Variants in SUMF1 observed in about 807,000 individuals in gnomAD.
SUMF1 encodes formylglycine-generating enzyme.
In SUMF1, 48 loss-of-function variants were observed where a neutral mutation model predicts 47.6. The ratio of observed to expected loss-of-function variants is 1.01; its 90% CI spans 0.80 to 1.28. The LOEUF is 1.28. Ranked by LOEUF, SUMF1 falls within the 50% of genes most tolerant of loss-of-function variation. SUMF1 has a pLI of 0.00. For synonymous variants in SUMF1, 230 were observed against 192.1 expected, an observed-to-expected ratio of 1.20 and a Z score of -1.63; for missense variants, 571 against 485.4, an observed-to-expected ratio of 1.18 and a Z score of -1.66.
rs192832252 is a variant in SUMF1, at chr3:4,385,204, G to C, written c.955-8815C>G. Among the ~76,000 whole-genome samples, 4 of 152,226 alleles carry C rather than the reference G, an allele frequency of 2.6e-5. No homozygotes were observed. In the East Asian group the frequency reaches 5.8e-4, roughly 22 times the overall value. ...CCCAGCTGAATGTTTAGGTTTTAAA[G>C]AAAACGTCAAATTGTTTTCCAGAAT... On this transcript the variant is annotated intron_variant, in intron 7 of 8. Transcript: ENST00000272902.
chr3:4,240,386 G>A (rs1696509972), intron 8 of SUMF1, among the ~76,000 whole-genome samples: 1 of 152,004 alleles, frequency 6.6e-6, no homozygotes, highest in Non-Finnish European at 1.5e-5. Context: ...GAATCCATCT[G>A]GTCCTGGGCG....
intron 4 of SUMF1, 80 bp from the exon 5 acceptor site, chr3:4,418,212 A>G: frequency 6.3e-7 from 1 of 1,592,940 alleles, no homozygotes; most frequent in East Asian, 2.3e-5. Flanking sequence ...AAGCGCCCAT[A>G]ATCCCCCTCA....
chr3:4,192,033 T>C (rs1695325304), intron 8 of SUMF1, among the ~76,000 whole-genome samples: 1 of 151,964 alleles, frequency 6.6e-6, no homozygotes, highest in African/African-American at 2.4e-5. Context: ...AAATGGCCAG[T>C]GGACAAAAAT....
At chr3:4,228,091 G>C (rs1163117718) in intron 8 of SUMF1, among the ~76,000 whole-genome samples, 1 of 152,088 alleles carries the variant, frequency 6.6e-6, no homozygotes, top group African/African-American at 2.4e-5. Flanking sequence ...TGGTGGACCA[G>C]TGTGGTGGGA....
intron 8 of SUMF1, among the ~76,000 whole-genome samples, chr3:4,344,687 G>A (rs377107825): frequency 2.0e-5 from 3 of 152,060 alleles, no homozygotes; most frequent in Admixed American, 2.0e-4. Context: ...AGGATCAGAC[G>A]GATGAATTGA....
rs565965313 is a variant in SUMF1, at chr3:4,453,826, G to A, written c.271-777C>T. On this transcript the variant is annotated intron_variant, in intron 1 of 8. Coordinates refer to ENST00000272902, the MANE Select transcript of SUMF1 (RefSeq NM_182760.4). ...TAGGATTACAGGTGTGAGCCACTGC[G>A]CCCGGCCAAGCTGATTTTTTTTTTA... 4.0e-5 allele frequency among the ~76,000 whole-genome samples: 6 copies of A among 151,740 alleles called. No individual in the cohort carries two copies. In the Middle Eastern group the frequency reaches 0.01, roughly 258 times the overall value.
intron 8 of SUMF1, among the ~76,000 whole-genome samples, chr3:4,302,462 C>T (rs1697993241): frequency 7.8e-6 from 1 of 128,278 alleles, no homozygotes; most frequent in Non-Finnish European, 1.6e-5. Flanking sequence ...GAGATGAAGC[C>T]TCCAAGAGGT....
intron 8 of SUMF1, among the ~76,000 whole-genome samples, chr3:4,374,071 G>T (rs939294565): frequency 6.6e-6 from 1 of 152,114 alleles, no homozygotes; most frequent in African/African-American, 2.4e-5. Context: ...AAAAGCTATT[G>T]CTAATACATA....
intron 8 of SUMF1, among the ~76,000 whole-genome samples, chr3:4,254,382 T>C (rs1219642586): frequency 1.3e-5 from 2 of 150,906 alleles, no homozygotes; most frequent in Non-Finnish European, 3.0e-5. Flanking sequence ...TTTAGAAGAA[T>C]GTATAACTAG....
rs187179410 is a variant in SUMF1, at chr3:4,340,984, A to G, written c.1014+35346T>C. On this transcript the variant is annotated intron_variant and NMD_transcript_variant, in intron 8 of 12. Coordinates refer to the SUMF1 transcript ENST00000448413. Reference sequence around the variant, plus strand: ...CTTCTACACAAACATTGACTTTTCCACACAATATCCTTTGTGTTAGGAGAT... The same window carrying G: ...CTTCTACACAAACATTGACTTTTCCGCACAATATCCTTTGTGTTAGGAGAT... Among the ~76,000 whole-genome samples, 15 of 151,998 alleles carry G rather than the reference A, an allele frequency of 9.9e-5. No individual in the cohort carries two copies. In the East Asian group the frequency reaches 2.3e-3, roughly 23 times the overall value.
intron 8 of SUMF1, among the ~76,000 whole-genome samples, chr3:4,151,347 T>G (rs1336850757): frequency 6.8e-6 from 1 of 147,616 alleles, no homozygotes; most frequent in Non-Finnish European, 1.5e-5. Flanking sequence ...AAAACATAAA[T>G]ATACATACAC....
chr3:4,236,332 C>A (rs1362480389), intron 8 of SUMF1, among the ~76,000 whole-genome samples: 2 of 151,990 alleles, frequency 1.3e-5, no homozygotes, highest in African/African-American at 4.8e-5. Flanking sequence ...GCTAAGAAAT[C>A]AAGGACAAGA....
intron 8 of SUMF1, among the ~76,000 whole-genome samples, chr3:4,082,071 C>T (rs1692572326): frequency 6.6e-6 from 1 of 152,106 alleles, no homozygotes; most frequent in South Asian, 2.1e-4. Flanking sequence ...AGATATTGAT[C>T]AAGCACATAT....
At chr3:4,174,579 C>T (rs1044631559) in intron 8 of SUMF1, among the ~76,000 whole-genome samples, 4 of 151,920 alleles carry the variant, frequency 2.6e-5, no homozygotes, top group African/African-American at 4.8e-5. Context: ...CCAAGATGGC[C>T]GAATAGGAAC....
At chr3:4,098,966 G>A (rs1212105113) in intron 8 of SUMF1, among the ~76,000 whole-genome samples, 1 of 152,024 alleles carries the variant, frequency 6.6e-6, no homozygotes, top group Non-Finnish European at 1.5e-5. Context: ...GATGTGCTAG[G>A]GCCTCAGAAA....
intron 8 of SUMF1, among the ~76,000 whole-genome samples, chr3:4,341,149 C>T (rs1386566084): frequency 2.6e-5 from 4 of 152,054 alleles, no homozygotes; most frequent in African/African-American, 9.7e-5. Context: ...ATCACATGAG[C>T]TGGCATTATT....
chr3:4,384,101 G>C (rs1036132021), intron 7 of SUMF1, among the ~76,000 whole-genome samples: 2 of 146,474 alleles, frequency 1.4e-5, no homozygotes, highest in African/African-American at 4.9e-5. Context: ...TTTCCTGCTT[G>C]TCAGTTCTGC....
At chr3:4,341,334 G>A (rs372203982) in intron 8 of SUMF1, among the ~76,000 whole-genome samples, 66 of 152,244 alleles carry the variant, frequency 4.3e-4, no homozygotes, top group East Asian at 3.1e-3. Flanking sequence ...CTACCATGCC[G>A]GAGTGGCTCT....
intron 3 of SUMF1, among the ~76,000 whole-genome samples, chr3:4,423,180 A>G (rs553415800): frequency 1.3e-5 from 2 of 152,298 alleles, no homozygotes; most frequent in East Asian, 3.9e-4. Context: ...TGAAAAAGAT[A>G]CTTGCACACA....
Sources: gnomAD v4.1 joint callset for allele counts (sites outside exome capture counted in the v4.1 genomes callset) on GRCh38, gnomAD v4.1.1 for gene constraint, MANE v1.5 for transcripts, NCBI Gene and HGNC (gene_info 2026-07-23, HGNC 2026-07-21) for gene names.